Variants in YLPM1 observed in about 807,000 individuals in gnomAD.
YLPM1 encodes YLP motif-containing protein 1.
Under a neutral mutation model 230.0 loss-of-function variants are expected in YLPM1, and 99 were observed. That is an observed-to-expected ratio of 0.43 (90% CI 0.37 to 0.51). YLPM1 has a LOEUF of 0.51. Ranked by LOEUF, YLPM1 falls within the 20% of genes least tolerant of loss-of-function variation. The pLI is 0.00. For synonymous variants in YLPM1, 984 were observed against 942.5 expected (o/e 1.04, Z -0.81); for missense variants, 2,592 against 2,707.7 (o/e 0.96, Z 0.95).
At chr14:74,801,653 ACT>A (rs2091326656) in intron 5 of YLPM1, among the ~76,000 whole-genome samples, 1 of 152,154 alleles carries the variant, frequency 6.6e-6, no homozygotes, top group Non-Finnish European at 1.5e-5. Flanking sequence ...GCCAAGTATA[ACT>A]CTGTAGAGTA....
chr14:74,777,041 G>A (rs117636930), intron 1 of YLPM1, among the ~76,000 whole-genome samples: 3,931 of 152,044 alleles, frequency 0.026, 79 homozygotes, highest in South Asian at 0.042. Context: ...GGGTGACAGA[G>A]GGAGATGACC....
At position 74,798,014 on chromosome 14, in the gene YLPM1, A is replaced by T; in HGVS notation, c.2717A>T (p.Gln906Leu). The change falls in exon 5 of 21, where the codon CAA becomes CTA. Residue 906 changes from glutamine to leucine, a missense_variant. Gln to Leu is a moderately radical substitution (Grantham distance 113, BLOSUM62 -2). Coordinates refer to ENST00000325680, the MANE Select transcript of YLPM1 (RefSeq NM_019589.3). ...TCAAATGAGAATCTAAGCGACTCTC[A>T]ACAAGAGCCACCTAAAAGTGAAGTC... The part of the protein sequence containing the change: ...AQSNENLSDS[Q>L]QEPPKSEVSE... 7.4e-6 allele frequency: 12 copies of T among 1,613,736 alleles called. No individual in the cohort carries two copies. Among genetic ancestry groups the T allele is most frequent in the Non-Finnish European group, 1.0e-5 (12 of 1,179,716 alleles).
At chr14:74,827,599 G>C in intron 18 of YLPM1, 1 of 985,396 alleles carries the variant, frequency 1.0e-6, no homozygotes, top group African/African-American at 1.7e-5. Flanking sequence ...CTGCCTGGCT[G>C]TGCTCTGTTG....
chr14:74,802,816 A>C, intron 6 of YLPM1, 140 bp downstream of exon 6: 1 of 1,105,238 alleles, frequency 9.0e-7, no homozygotes, highest in Non-Finnish European at 1.2e-6. Flanking sequence ...AGTTTATGGT[A>C]ATTGAACTTT....
intron 1 of YLPM1, among the ~76,000 whole-genome samples, chr14:74,765,596 C>G (rs1307248020): frequency 2.0e-5 from 3 of 152,190 alleles, no homozygotes; most frequent in Non-Finnish European, 4.4e-5. Flanking sequence ...CTTTCCCACC[C>G]CACTCTGAAG....
chr14:74,827,042 G>A (rs2091568595), intron 18 of YLPM1, among the ~76,000 whole-genome samples: 1 of 151,928 alleles, frequency 6.6e-6, no homozygotes, highest in Non-Finnish European at 1.5e-5. Context: ...CTTCAGAGTT[G>A]GAATATAATT....
chr14:74,805,954 C>T (rs1427853083), intron 6 of YLPM1, among the ~76,000 whole-genome samples: 6 of 150,704 alleles, frequency 4.0e-5, no homozygotes, highest in African/African-American at 1.2e-4. Context: ...GATCCACCTG[C>T]CTCAGCCTCC....
At chr14:74,773,738 T>TG (rs1183698446) in intron 1 of YLPM1, among the ~76,000 whole-genome samples, 1 of 139,084 alleles carries the variant, frequency 7.2e-6, no homozygotes, top group Non-Finnish European at 1.5e-5. Context: ...TTTTTTTTTT[T>TG]GAGACAGAGT....
intron 1 of YLPM1, among the ~76,000 whole-genome samples, chr14:74,775,665 G>A (rs1218269163): frequency 6.6e-6 from 1 of 152,174 alleles, no homozygotes; most frequent in Non-Finnish European, 1.5e-5. Context: ...TCATAGCCAA[G>A]TTTTAGAATG....
intron 6 of YLPM1, among the ~76,000 whole-genome samples, chr14:74,807,495 A>G (rs1473486480): frequency 6.6e-6 from 1 of 152,200 alleles, no homozygotes; most frequent in East Asian, 1.9e-4. Flanking sequence ...CAGCCTGGGC[A>G]ACATAGCAAG....
intron 4 of YLPM1, among the ~76,000 whole-genome samples, chr14:74,785,376 T>G (rs2091137572): frequency 6.6e-6 from 1 of 152,244 alleles, no homozygotes; most frequent in Non-Finnish European, 1.5e-5. Context: ...ATTATCCACC[T>G]TGTTTTGAAA....
rs745990488 is a variant in YLPM1, at chr14:74,811,661, G to A, written c.5270G>A (p.Arg1757Lys). The A allele has an allele frequency of 1.2e-6, 2 of 1,612,962 alleles. No homozygotes were observed. The highest frequency in any genetic ancestry group is 1.7e-6 in the Non-Finnish European group (2 of 1,179,600). ...YRDKKDHSSS[R>K]RGGFDRPSYD... is the part of the protein sequence containing the mutation. ...GACAAAAAAGACCATTCCTCATCCA[G>A]AAGAGGGGGTTTTGATAGGCCATCC... Residue 1757 changes from arginine to lysine, a missense_variant, in exon 10 of 21, where the codon AGA becomes AAA. By Grantham distance (26) the Arg-to-Lys change is conservative (BLOSUM62 2). This residue lies in a region of YLPM1 where 403 missense variants were observed against 426.7 expected (regional missense o/e 0.94). Coordinates refer to ENST00000325680, the MANE Select transcript of YLPM1 (RefSeq NM_019589.3).
intron 18 of YLPM1, chr14:74,827,334 CT>C: frequency 1.0e-6 from 1 of 985,362 alleles, no homozygotes; most frequent in Non-Finnish European, 1.2e-6. Flanking sequence ...TTTCTTTCCC[CT>C]CACCTTATGC....
chr14:74,798,507 G>C lies in YLPM1; in HGVS notation c.3210G>C (p.Glu1070Asp). Residue 1070 changes from glutamate (E) to aspartate (D), a missense_variant, in exon 5 of 21, where the codon GAG (glutamate) becomes GAC (aspartate). By Grantham distance (45) the Glu-to-Asp change is conservative. Coordinates refer to ENST00000325680, the MANE Select transcript of YLPM1 (RefSeq NM_019589.3). ...KMMGRREDSR[E>D]KMNRGEGSRD... ...TGGGTAGAAGAGAAGATAGTCGAGA[G>C]AAGATGAACAGAGGAGAAGGTAGCC... The C allele has an allele frequency of 6.2e-7, 1 of 1,613,992 alleles. No individual in the cohort carries two copies. The highest frequency in any genetic ancestry group is 8.5e-7 in the Non-Finnish European group (1 of 1,179,882).
intron 4 of YLPM1, among the ~76,000 whole-genome samples, chr14:74,793,192 T>C (rs756359345): frequency 3.3e-5 from 5 of 152,228 alleles, no homozygotes; most frequent in African/African-American, 4.8e-5. Context: ...GTCAGTATGC[T>C]GGCCCCTTTC....
chr14:74,811,483 C>CAA, intron 9 of YLPM1, 137 bp from the exon 10 acceptor site: 151 of 462,104 alleles, frequency 3.3e-4, no homozygotes, highest in Middle Eastern at 6.3e-4. Context: ...ACCCCAATCT[C>CAA]AAAAAAAAAA....
chr14:74,764,722 C>T (rs2090894065), intron 1 of YLPM1, among the ~76,000 whole-genome samples: 1 of 152,088 alleles, frequency 6.6e-6, no homozygotes, highest in African/African-American at 2.4e-5. Context: ...CGAAAGTTTC[C>T]ATTTGAGAGA....
At position 74,763,957 on chromosome 14, in the gene YLPM1, C is replaced by G; in HGVS notation, c.468C>G (p.Ser156=). 1 of 1,303,458 alleles carries G rather than the reference C, an allele frequency of 7.7e-7. No individual in the cohort carries two copies. Among genetic ancestry groups the G allele is most frequent in the Non-Finnish European group, 1.0e-6 (1 of 991,466 alleles). The allele number at this position is 1,303,458 out of a possible 1,614,324, so 80.7% of individuals were successfully genotyped here. The part of the protein sequence containing the change: ...PPESPPVPPG[S]YMPPSQSYMP... ...AATCTCCCCCTGTGCCGCCTGGGTC[C>G]TATATGCCCCCATCTCAGTCTTACA... Residue 156 remains serine, a synonymous_variant, in exon 1 of 21, where the codon TCC becomes TCG. Transcript: ENST00000325680.
rs771625330 is a variant in YLPM1, at chr14:74,836,027, CAG to C, written c.*294_*295del. ...GCGGGGGTCTGCTGGAGGATTCCAA[CAG>C]AGAGTATTTCCTCCACTGTACAATG... On this transcript the variant is annotated 3_prime_UTR_variant, in exon 21 of 21. Coordinates refer to ENST00000325680, the MANE Select transcript of YLPM1 (RefSeq NM_019589.3). The C allele has an allele frequency of 7.7e-6, 3 of 390,028 alleles. No individual in the cohort carries two copies. The highest frequency in any genetic ancestry group is 1.5e-4 in the East Asian group (2 of 13,728). 24.2% of individuals were successfully genotyped at this position (390,028 alleles called of 1,614,324 possible). A position where few individuals can be genotyped will look rare whatever the true frequency, so the allele number is the denominator to read the frequency against.
Sources: allele counts gnomAD v4.1 joint callset (sites outside exome capture counted in the v4.1 genomes callset), GRCh38; gene constraint gnomAD v4.1.1; regional missense constraint gnomAD v4.1.1; transcripts MANE v1.5; gene names NCBI Gene and HGNC (gene_info 2026-07-23, HGNC 2026-07-21).